The following RNF157 variants were observed in gnomAD, a reference collection of about 807,000 sequenced individuals.
The protein encoded by RNF157 is ring finger protein 157.
RNF157 carries 55 observed loss-of-function variants against 88.3 expected under a neutral mutation model. That is an observed-to-expected ratio of 0.62 (90% CI 0.50 to 0.78). The LOEUF (loss-of-function observed/expected upper bound fraction) is 0.78, where lower values mean the gene tolerates loss of function less well. Among genes scored for constraint, RNF157 ranks in the 30% least tolerant of loss-of-function variants. The probability of loss-of-function intolerance (pLI) is 0.00; values close to 1 mark genes in which losing one functional copy is unlikely to be tolerated. For synonymous variants in RNF157, 334 were observed against 341.2 expected (o/e 0.98, Z 0.23); for missense variants, 788 against 860.8 (o/e 0.92, Z 1.06).
chr17:76,223,557 G>A (rs1299852818), intron 1 of RNF157, among the ~76,000 whole-genome samples: 1 of 152,042 alleles, frequency 6.6e-6, no homozygotes, highest in Non-Finnish European at 1.5e-5. Flanking sequence ...AAAGAAAGAG[G>A]GATAATGAAT....
chr17:76,156,973 T>G (rs1304529583), intron 13 of RNF157, among the ~76,000 whole-genome samples: 3 of 151,986 alleles, frequency 2.0e-5, no homozygotes, highest in African/African-American at 7.3e-5. Context: ...TTTCACTTTT[T>G]TTTTTTGAGA....
At chr17:76,171,849 T>C (rs1321117081) in intron 3 of RNF157, among the ~76,000 whole-genome samples, 2 of 152,230 alleles carry the variant, frequency 1.3e-5, no homozygotes, top group Non-Finnish European at 2.9e-5. Flanking sequence ...AGCTGCTTCA[T>C]CCTATTCTAG....
At chr17:76,205,911 G>C (rs755466972) in intron 2 of RNF157, among the ~76,000 whole-genome samples, 1 of 151,474 alleles carries the variant, frequency 6.6e-6, no homozygotes, top group Non-Finnish European at 1.5e-5. Flanking sequence ...AAAATGAGAG[G>C]AGCGGTTTGA....
intron 2 of RNF157, among the ~76,000 whole-genome samples, chr17:76,183,803 T>C (rs1019568850): frequency 2.0e-5 from 3 of 152,032 alleles, no homozygotes; most frequent in Non-Finnish European, 4.4e-5. Context: ...TATTTTATAT[T>C]AATTTTTTTA....
At chr17:76,201,323 CAA>C (rs780243656) in intron 2 of RNF157, among the ~76,000 whole-genome samples, 6 of 59,636 alleles carry the variant, frequency 1.0e-4, no homozygotes, top group Admixed American at 4.0e-4. Context: ...CTAGTCTCTA[CAA>C]AAAAAAAAAA....
intron 1 of RNF157, among the ~76,000 whole-genome samples, chr17:76,223,437 C>T (rs2070023950): frequency 6.6e-6 from 1 of 152,180 alleles, no homozygotes; most frequent in African/African-American, 2.4e-5. Flanking sequence ...ATCCATCCGC[C>T]TCGGCCTCCC....
At chr17:76,162,700 C>A in intron 8 of RNF157, 77 bp from the exon 9 acceptor site, 1 of 1,022,520 alleles carries the variant, frequency 9.8e-7, no homozygotes, top group Non-Finnish European at 1.4e-6. Flanking sequence ...TCCAATCTTA[C>A]CTCTTTTGGT....
chr17:76,158,253 G>A, intron 13 of RNF157, 140 bp downstream of exon 13: 2 of 674,910 alleles, frequency 3.0e-6, no homozygotes, highest in Non-Finnish European at 5.4e-6. Context: ...TGAATCCAGT[G>A]AAACCTTTGC....
At chr17:76,204,297 C>T (rs1480129325) in intron 2 of RNF157, among the ~76,000 whole-genome samples, 1 of 152,168 alleles carries the variant, frequency 6.6e-6, no homozygotes. Context: ...CCTACTTATC[C>T]CTCCAGGTTA....
intron 1 of RNF157, among the ~76,000 whole-genome samples, chr17:76,218,196 C>G (rs865995762): frequency 3.9e-5 from 6 of 152,048 alleles, no homozygotes; most frequent in Admixed American, 6.6e-5. Flanking sequence ...AGAAAGGCAC[C>G]CAGGCAAAAA....
rs373455262 is a variant in RNF157 at position 76,159,316 on chromosome 17, T to C, written c.1304+19A>G. 68 of 1,585,530 alleles carry C rather than the reference T, an allele frequency of 4.3e-5. No homozygotes were observed. Among genetic ancestry groups the C allele is most frequent in the Non-Finnish European group, 5.7e-5 (66 of 1,154,578 alleles). ...ATCAAGGATTCCGGGGGCAACAGTGTGGAGCACTGGCTACTCACTTGGAGA... is the reference window on the plus strand; with the variant it reads ...ATCAAGGATTCCGGGGGCAACAGTGCGGAGCACTGGCTACTCACTTGGAGA... On this transcript the variant is annotated intron_variant, in intron 12 of 18. Transcript: ENST00000269391.
intron 18 of RNF157, chr17:76,147,322 A>G: frequency 1.0e-6 from 1 of 986,150 alleles, no homozygotes; most frequent in Non-Finnish European, 1.2e-6. Context: ...GTTCAGTAGG[A>G]AAGACCAAAA....
intron 1 of RNF157, among the ~76,000 whole-genome samples, chr17:76,219,821 A>G (rs1451066802): frequency 6.6e-6 from 1 of 152,210 alleles, no homozygotes. Flanking sequence ...AACAGTTTAC[A>G]GTAATCATAT....
intron 2 of RNF157, among the ~76,000 whole-genome samples, chr17:76,193,098 C>T (rs954028719): frequency 1.3e-5 from 2 of 152,150 alleles, no homozygotes; most frequent in Non-Finnish European, 2.9e-5. Flanking sequence ...GGATTACAGG[C>T]GTGGGCCAGA....
At chr17:76,201,815 G>A (rs2069583651) in intron 2 of RNF157, among the ~76,000 whole-genome samples, 1 of 151,892 alleles carries the variant, frequency 6.6e-6, no homozygotes, top group Non-Finnish European at 1.5e-5. Context: ...TCATGGCATA[G>A]GCACATTATA....
At chr17:76,232,389 TAA>T (rs372102015) in intron 1 of RNF157, among the ~76,000 whole-genome samples, 1 of 141,214 alleles carries the variant, frequency 7.1e-6, no homozygotes, top group African/African-American at 2.6e-5. Context: ...ACTCTGTCTC[TAA>T]AAAAAAAAAG....
At chr17:76,184,711 G>T (rs895023234) in intron 2 of RNF157, among the ~76,000 whole-genome samples, 42 of 152,158 alleles carry the variant, frequency 2.8e-4, no homozygotes, top group Admixed American at 1.9e-3. Flanking sequence ...CAAGATAAAA[G>T]ATATTCTTTG....
At chr17:76,194,845 C>T (rs952318777) in intron 2 of RNF157, among the ~76,000 whole-genome samples, 4 of 152,044 alleles carry the variant, frequency 2.6e-5, no homozygotes, top group African/African-American at 9.7e-5. Flanking sequence ...GAAACCCCGT[C>T]TCTACTAAAA....
chr17:76,166,821 T>G (rs182842097), intron 5 of RNF157, among the ~76,000 whole-genome samples, 188 bp downstream of exon 5: 5 of 152,282 alleles, frequency 3.3e-5, no homozygotes, highest in African/African-American at 1.2e-4. Context: ...ATGGAAAAAT[T>G]AACAAAGTTA....
Sources: gnomAD v4.1 joint callset for allele counts (sites outside exome capture counted in the v4.1 genomes callset) on GRCh38, gnomAD v4.1.1 for gene constraint, MANE v1.5 for transcripts, NCBI Gene and HGNC (gene_info 2026-07-23, HGNC 2026-07-21) for gene names.